Variants in MACROD2 observed in about 807,000 individuals in gnomAD.
MACROD2 encodes ADP-ribose glycohydrolase MACROD2.
MACROD2 carries 36 observed loss-of-function variants against 70.4 expected under a neutral mutation model. That is an observed-to-expected ratio of 0.51 (90% CI 0.39 to 0.68). MACROD2 has a LOEUF of 0.68. Ranked by LOEUF, MACROD2 falls within the 30% of genes least tolerant of loss-of-function variation. The pLI is 0.00. For missense variants in MACROD2, 496 were observed against 538.4 expected, an observed-to-expected ratio of 0.92 and a Z score of 0.78; for synonymous variants, 172 against 178.8, an observed-to-expected ratio of 0.96 and a Z score of 0.30.
At chr20:16,024,528 CAG>C in intron 15 of MACROD2, among the ~76,000 whole-genome samples, 1 of 132,960 alleles carries the variant, frequency 7.5e-6, no homozygotes, top group South Asian at 2.7e-4. Flanking sequence ...CACACACACA[CAG>C]ACACACACAC....
Position 15,096,728 on chromosome 20 carries a change from T to G in MACROD2, c.419-133212T>G, listed in dbSNP as rs894620022. Among the ~76,000 whole-genome samples the G allele has an allele frequency of 8.6e-5, 13 of 151,706 alleles. 1 individual carries two copies. Among genetic ancestry groups the G allele is most frequent in the African/African-American group, 2.9e-4 (12 of 41,368 alleles). ...GCTTTCACCATGTTGACCAGGCTGG[T>G]CTGGAGCTCCTGACGTCAAGTAATC... On this transcript the variant is annotated intron_variant, in intron 5 of 17. Coordinates refer to ENST00000684519, the MANE Select transcript of MACROD2 (RefSeq NM_001351661.2).
At chr20:15,934,343 C>T (rs1286493445) in intron 11 of MACROD2, among the ~76,000 whole-genome samples, 1 of 152,148 alleles carries the variant, frequency 6.6e-6, no homozygotes, top group Non-Finnish European at 1.5e-5. Flanking sequence ...ACCTGGAAGA[C>T]GGAACTGAAG....
intron 15 of MACROD2, among the ~76,000 whole-genome samples, chr20:15,993,177 TTAAC>T (rs1027268646): frequency 1.3e-5 from 2 of 152,000 alleles, no homozygotes; most frequent in Non-Finnish European, 2.9e-5. Context: ...ATTTAAATGA[TTAAC>T]TAGTAAGGGA....
intron 5 of MACROD2, among the ~76,000 whole-genome samples, chr20:14,807,298 A>G (rs766367250): frequency 2.0e-5 from 3 of 152,116 alleles, no homozygotes; most frequent in Non-Finnish European, 4.4e-5. Context: ...ATCCAGGCAA[A>G]GAAGGCCTGG....
intron 5 of MACROD2, among the ~76,000 whole-genome samples, chr20:14,961,962 C>CAG (rs1287254997): frequency 3.3e-5 from 5 of 152,024 alleles, no homozygotes; most frequent in Non-Finnish European, 5.9e-5. Context: ...TGAATTTTGC[C>CAG]AGTTTTTCTA....
chr20:14,424,100 C>G (rs1366757548), intron 3 of MACROD2, among the ~76,000 whole-genome samples: 1 of 151,974 alleles, frequency 6.6e-6, no homozygotes, highest in Non-Finnish European at 1.5e-5. Context: ...TTTATATTGT[C>G]CCTTTAAGGT....
chr20:14,105,996 G>A (rs1206972026), intron 3 of MACROD2, among the ~76,000 whole-genome samples: 2 of 152,198 alleles, frequency 1.3e-5, no homozygotes, highest in Non-Finnish European at 2.9e-5. Context: ...CATGGACCTT[G>A]GGCTCTGAGA....
chr20:14,070,811 T>C (rs963385418), intron 2 of MACROD2, among the ~76,000 whole-genome samples: 2 of 152,288 alleles, frequency 1.3e-5, no homozygotes, highest in Admixed American at 1.3e-4. Flanking sequence ...TGGGGGAAAG[T>C]AAGAATTTGG....
intron 4 of MACROD2, among the ~76,000 whole-genome samples, chr20:14,565,805 G>A (rs1979761381): frequency 6.6e-6 from 1 of 151,794 alleles, no homozygotes; most frequent in African/African-American, 2.4e-5. Context: ...GACCCAAGGG[G>A]CTTACTTTTA....
At chr20:15,487,098 C>T (rs12480242) in intron 7 of MACROD2, among the ~76,000 whole-genome samples, 10,349 of 152,220 alleles carry the variant, frequency 0.068, 572 homozygotes, top group East Asian at 0.24. Flanking sequence ...TTTAAAACTT[C>T]ACATCTGCTC....
intron 5 of MACROD2, among the ~76,000 whole-genome samples, chr20:14,779,484 T>C (rs2072273408): frequency 6.6e-6 from 1 of 152,026 alleles, no homozygotes; most frequent in Admixed American, 6.6e-5. Flanking sequence ...CAGCCCAGCA[T>C]TCACAGCAGG....
intron 5 of MACROD2, among the ~76,000 whole-genome samples, chr20:15,034,378 T>C (rs867872211): frequency 6.6e-6 from 1 of 152,180 alleles, no homozygotes; most frequent in Middle Eastern, 3.4e-3. Flanking sequence ...TTCCTGGAGG[T>C]GAATTTTAAG....
At chr20:14,419,037 T>C (rs186960905) in intron 3 of MACROD2, among the ~76,000 whole-genome samples, 45 of 152,170 alleles carry the variant, frequency 3.0e-4, no homozygotes, top group African/African-American at 9.4e-4. Flanking sequence ...CTCAAGACAG[T>C]CTTAGGATTT....
At chr20:15,430,398 A>G (rs1179281501) in intron 6 of MACROD2, among the ~76,000 whole-genome samples, 1 of 152,084 alleles carries the variant, frequency 6.6e-6, no homozygotes, top group African/African-American at 2.4e-5. Context: ...ACTAATTTAC[A>G]TTCCCACCAA....
At chr20:15,779,407 G>GCTGT (rs2147034902) in intron 8 of MACROD2, among the ~76,000 whole-genome samples, 1 of 152,270 alleles carries the variant, frequency 6.6e-6, no homozygotes, top group African/African-American at 2.4e-5. Context: ...GGCAATGTGA[G>GCTGT]CTGTCCATTG....
At chr20:15,699,018 CG>C (rs1291115195) in intron 8 of MACROD2, among the ~76,000 whole-genome samples, 1 of 152,148 alleles carries the variant, frequency 6.6e-6, no homozygotes. Context: ...CATTGGGCTA[CG>C]CCTTTCTCTG....
chr20:15,799,524 A>G (rs1264665862), intron 8 of MACROD2, among the ~76,000 whole-genome samples: 1 of 152,194 alleles, frequency 6.6e-6, no homozygotes, highest in African/African-American at 2.4e-5. Context: ...GCTTCCACAT[A>G]TGAGTGAAAA....
At chr20:15,254,532 A>G (rs2077182224) in intron 6 of MACROD2, among the ~76,000 whole-genome samples, 1 of 152,102 alleles carries the variant, frequency 6.6e-6, no homozygotes, top group South Asian at 2.1e-4. Context: ...TCATCTGTAG[A>G]CTGGGGATAT....
At chr20:14,771,678 T>C (rs867956586) in intron 5 of MACROD2, among the ~76,000 whole-genome samples, 3,467 of 138,968 alleles carry the variant, frequency 0.025, 145 homozygotes, top group African/African-American at 0.083. Flanking sequence ...CACATATATA[T>C]ATATATTTAA....
Sources: allele counts gnomAD v4.1 joint callset (sites outside exome capture counted in the v4.1 genomes callset), GRCh38; gene constraint gnomAD v4.1.1; transcripts MANE v1.5; gene names NCBI Gene and HGNC (gene_info 2026-07-23, HGNC 2026-07-21).